CD63: variants seen among roughly 807,000 people sequenced by gnomAD.
CD63 encodes CD63 molecule.
Under a neutral mutation model 29.2 loss-of-function variants are expected in CD63, and 16 were observed. The ratio of observed to expected loss-of-function variants is 0.55; its 90% CI spans 0.37 to 0.83. The LOEUF (loss-of-function observed/expected upper bound fraction) is 0.83. Among genes scored for constraint, CD63 ranks in the 40% least tolerant of loss-of-function variants. CD63 has a pLI of 0.00. For synonymous variants in CD63, 118 were observed against 111.7 expected (o/e 1.06, Z -0.36); for missense variants, 251 against 297.3 (o/e 0.84, Z 1.15).
downstream of CD63, chr12:55,724,264 C>A: frequency 6.3e-7 from 1 of 1,593,314 alleles, no homozygotes. Flanking sequence ...GAAGACAGTA[C>A]CTAAGATGGG....
chr12:55,728,080 T>C lies in CD63; in HGVS notation c.66+196A>G, dbSNP rs1312845798. ...GGTAGGGGTTGCTGCACACCCAGGATGGCCATTCTCGGTGGAAACAAGCCT... is the reference window on the plus strand; with the variant it reads ...GGTAGGGGTTGCTGCACACCCAGGACGGCCATTCTCGGTGGAAACAAGCCT... On this transcript the variant is annotated intron_variant, in intron 2 of 7. Transcript: ENST00000257857. The surrounding 1 kb of genome is among the most constrained non-coding windows in gnomAD (Gnocchi z 4.8). Among the ~76,000 whole-genome samples the C allele has an allele frequency of 1.3e-5, 2 of 151,470 alleles. No individual in the cohort carries two copies.
rs757575130 is a variant in CD63, at chr12:55,725,561, C to T, written c.717G>A (p.Ter239=). The T allele has an allele frequency of 6.2e-7, 1 of 1,613,212 alleles. No individual in the cohort carries two copies. Among genetic ancestry groups the T allele is most frequent in the South Asian group, 1.1e-5 (1 of 91,062 alleles). Reference sequence around the variant, plus strand: ...TGAGGAGGCTGAGGAGACCAGACCCCTACATCACCTCGTAGCCACTTCTGA... The same window carrying T: ...TGAGGAGGCTGAGGAGACCAGACCCTTACATCACCTCGTAGCCACTTCTGA... The part of the protein sequence containing the change: ...KSIRSGYEVM[*] Residue 239 remains the stop codon, a stop_retained_variant, in exon 8 of 8, where the codon TAG becomes TAA. Coordinates refer to ENST00000257857, the MANE Select transcript of CD63 (RefSeq NM_001780.6).
At chr12:55,727,653 A>G (rs562131693) in intron 2 of CD63, 2 of 1,119,198 alleles carry the variant, frequency 1.8e-6, no homozygotes, top group East Asian at 5.6e-5. Context: ...CTCCCAGCTC[A>G]ATTCTCTCCC....
chr12:55,724,119 C>T (rs1877078344), downstream of CD63: 2 of 1,557,740 alleles, frequency 1.3e-6, no homozygotes, highest in Non-Finnish European at 8.7e-7. Flanking sequence ...CCTGCATAAG[C>T]CTGCTAGGAG....
intron 2 of CD63, chr12:55,727,644 T>C: frequency 8.9e-7 from 1 of 1,128,838 alleles, no homozygotes; most frequent in Non-Finnish European, 1.1e-6. Flanking sequence ...CCTCCAGGGC[T>C]CCCAGCTCAA....
Position 55,726,770 on chromosome 12 carries a change from A to C in CD63, c.356T>G (p.Phe119Cys). Residue 119 changes from phenylalanine to cysteine, a missense_variant, in exon 5 of 8, where the codon TTC becomes TGC. Transcript: ENST00000257857. ...DKVMSEFNNNFRQQMENYPKN... is the reference protein window; with the variant it reads ...DKVMSEFNNNCRQQMENYPKN... ...CGGGTAATTCTCCATCTGCTGCCGG[A>C]AGTTGTTATTAAACTCTGACATCAC... 6.2e-7 allele frequency: 1 copy of C among 1,614,014 alleles called. No individual in the cohort carries two copies. The highest frequency in any genetic ancestry group is 8.5e-7 in the Non-Finnish European group (1 of 1,179,910).
At chr12:55,727,103 T>C (rs1193501102) in intron 3 of CD63, 48 bp downstream of exon 3, 1 of 1,554,976 alleles carries the variant, frequency 6.4e-7, no homozygotes, top group Non-Finnish European at 8.8e-7. Flanking sequence ...CGAACCAAGC[T>C]GCTCTGGCAG....
rs1357758126 is a variant in CD63 at position 55,727,141 on chromosome 12, C to G, written c.255+10G>C. On this transcript the variant is annotated intron_variant, in intron 3 of 7. Transcript: ENST00000257857. ...CCAGACCGCCCATGTTGGTCCCGCC[C>G]CCAACTCACCGTGATCATAAGACAA... 1.2e-6 allele frequency: 2 copies of G among 1,610,888 alleles called. No homozygotes were observed. The highest frequency in any genetic ancestry group is 1.3e-5 in the African/African-American group (1 of 74,866).
rs1322660673 is a variant in CD63, at chr12:55,728,951, A to T, written c.-12+2T>A. On this transcript the variant is annotated splice_donor_variant, in intron 1 of 7. Transcript: ENST00000257857. LOFTEE classifies it low-confidence loss of function (5UTR_SPLICE). This position sits in a 1 kb window ranked among gnomAD's most constrained non-coding sequence, Gnocchi z 4.8. Reference sequence around the variant, plus strand: ...AAGTCCGCCGGGTCCCCGCGGCCTCACCTGGGCTTCCCAAGGCTGGCTGCG... The same window carrying T: ...AAGTCCGCCGGGTCCCCGCGGCCTCTCCTGGGCTTCCCAAGGCTGGCTGCG... 8.1e-6 allele frequency: 8 copies of T among 985,068 alleles called. No homozygotes were observed. The highest frequency in any genetic ancestry group is 8.4e-6 in the Non-Finnish European group (7 of 829,976). The allele number at this position is 985,068 out of a possible 1,614,324, so 61.0% of individuals were successfully genotyped here.
chr12:55,724,109 C>G (rs972233756), downstream of CD63: 7 of 1,564,470 alleles, frequency 4.5e-6, no homozygotes, highest in Middle Eastern at 5.3e-4. Flanking sequence ...AAAGGCCAGT[C>G]CTGCATAAGC....
intron 5 of CD63, 102 bp downstream of exon 5, chr12:55,726,598 G>C: frequency 2.2e-6 from 2 of 920,088 alleles, no homozygotes; most frequent in Admixed American, 1.8e-5. Flanking sequence ...GCCCACCTCG[G>C]CCTTCAAAAG....
chr12:55,723,812 C>T, downstream of CD63: 2 of 1,565,688 alleles, frequency 1.3e-6, no homozygotes, highest in South Asian at 2.2e-5. Flanking sequence ...TTTCTCAGCT[C>T]CCCAACCCAT....
In CD63 at chr12:55,727,271, C is replaced by T; in HGVS notation, c.135G>A (p.Gln45=). 1.9e-6 allele frequency: 3 copies of T among 1,613,932 alleles called. No homozygotes were observed. Among genetic ancestry groups the T allele is most frequent in the Non-Finnish European group, 2.5e-6 (3 of 1,180,032 alleles). ...AQLVLSQTII[Q]GATPGSLLPV... ...GCAACAGAGAGCCAGGGGTAGCCCC[C>T]TGGATTATGGTCTGACTCAGGACAA... Residue 45 remains glutamine, a synonymous_variant, in exon 3 of 8, where the codon CAG becomes CAA. Transcript: ENST00000257857.
rs1047401493 is a variant in CD63, at chr12:55,728,809, A to G, written c.-12+144T>C. 3.1e-6 allele frequency: 3 copies of G among 977,558 alleles called. No homozygotes were observed. Among genetic ancestry groups the G allele is most frequent in the African/African-American group, 3.8e-5 (2 of 52,276 alleles). 60.6% of individuals were successfully genotyped at this position (977,558 alleles called of 1,614,324 possible). On this transcript the variant is annotated intron_variant, in intron 1 of 7. Coordinates refer to ENST00000257857, the MANE Select transcript of CD63 (RefSeq NM_001780.6). The surrounding 1 kb of genome is among the most constrained non-coding windows in gnomAD (Gnocchi z 4.8). Reference sequence around the variant, plus strand: ...CCCCCGCCACACCCTGCCCGGGCCCAGGGAACTTCGAAGCAAAGTTGCTCC... The same window carrying G: ...CCCCCGCCACACCCTGCCCGGGCCCGGGGAACTTCGAAGCAAAGTTGCTCC...
rs768363181 is a variant in CD63 at position 55,727,304 on chromosome 12, C to T, written c.102G>A (p.Gly34=). The T allele has an allele frequency of 8.1e-6, 13 of 1,613,748 alleles. No individual in the cohort carries two copies. The highest frequency in any genetic ancestry group is 1.0e-5 in the Non-Finnish European group (12 of 1,179,974). ...TGGTCTGACTCAGGACAAGCTGTGC[C>T]CCGACACCCACGGCAATCAGTCCCA... ...CAVGLIAVGV[G]AQLVLSQTII... Residue 34 remains glycine (G), a synonymous_variant, in exon 3 of 8, where the codon GGG becomes GGA. Coordinates refer to ENST00000257857, the MANE Select transcript of CD63 (RefSeq NM_001780.6).
chr12:55,724,395 G>T (rs775260841), downstream of CD63: 8 of 1,614,078 alleles, frequency 5.0e-6, no homozygotes, highest in African/African-American at 9.3e-5. Flanking sequence ...GATGCCTGGA[G>T]CATGCCCTGA....
Position 55,726,105 on chromosome 12 carries a change from A to G in CD63, c.567+16T>C, listed in dbSNP as rs1389247802. The G allele has an allele frequency of 6.2e-7, 1 of 1,613,666 alleles. No homozygotes were observed. Among genetic ancestry groups the G allele is most frequent in the Non-Finnish European group, 8.5e-7 (1 of 1,179,792 alleles). On this transcript the variant is annotated intron_variant, in intron 6 of 7. Coordinates refer to ENST00000257857, the MANE Select transcript of CD63 (RefSeq NM_001780.6). ...TTCCCAGGTTTCCCAAGTCCCATAC[A>G]CAGTCTCCTCCCTACCTCCTTATGG...
Position 55,728,957 on chromosome 12 carries a change from G to T in CD63, c.-16C>A. On this transcript the variant is annotated 5_prime_UTR_variant, in exon 1 of 8. Coordinates refer to ENST00000257857, the MANE Select transcript of CD63 (RefSeq NM_001780.6). This position sits in a 1 kb window ranked among gnomAD's most constrained non-coding sequence, Gnocchi z 4.8. ...GCCGGGTCCCCGCGGCCTCACCTGG[G>T]CTTCCCAAGGCTGGCTGCGCGTTCC... 1.0e-6 allele frequency: 1 copy of T among 985,390 alleles called. No individual in the cohort carries two copies. Among genetic ancestry groups the T allele is most frequent in the Non-Finnish European group, 1.2e-6 (1 of 829,978 alleles). 61.0% of individuals were successfully genotyped at this position (985,390 alleles called of 1,614,324 possible).
At chr12:55,724,472 C>T (rs1877106874), downstream of CD63, 8 of 1,613,978 alleles carry the variant, frequency 5.0e-6, no homozygotes, top group Non-Finnish European at 6.8e-6. Context: ...CTGCCTGCCT[C>T]CTACCTGCCA....
Sources: gnomAD v4.1 joint callset for allele counts (sites outside exome capture counted in the v4.1 genomes callset) on GRCh38, gnomAD v4.1.1 for gene constraint, Gnocchi (gnomAD v3.1) non-coding constraint, MANE v1.5 for transcripts, NCBI Gene and HGNC (gene_info 2026-07-23, HGNC 2026-07-21) for gene names.